Variants in LZTS1 observed in about 807,000 individuals in gnomAD.
The protein encoded by LZTS1 is leucine zipper putative tumor suppressor 1.
LZTS1 carries 31 observed loss-of-function variants against 45.8 expected under a neutral mutation model. The observed-to-expected ratio is 0.68, with a 90% CI of 0.51 to 0.91. The LOEUF (loss-of-function observed/expected upper bound fraction) is 0.91, where lower values mean the gene tolerates loss of function less well. Among genes scored for constraint, LZTS1 ranks in the 40% least tolerant of loss-of-function variants. The probability of loss-of-function intolerance (pLI) is 0.00; values close to 1 mark genes in which losing one functional copy is unlikely to be tolerated. For missense variants in LZTS1, 821 were observed against 788.9 expected (o/e 1.04, Z -0.49); for synonymous variants, 359 against 357.3 (o/e 1.00, Z -0.05).
rs1381300730 is a variant in LZTS1 at position 20,247,747 on chromosome 8, G to A, written c.*1975C>T. 6.6e-6 allele frequency: 1 copy of A among 152,418 alleles called. No homozygotes were observed. Among genetic ancestry groups the A allele is most frequent in the African/African-American group, 2.4e-5 (1 of 41,450 alleles). The allele number at this position is 152,418 out of a possible 1,614,324, so 9.4% of individuals were successfully genotyped here. A position where few individuals can be genotyped will look rare whatever the true frequency, so the allele number is the denominator to read the frequency against. On this transcript the variant is annotated 3_prime_UTR_variant, in exon 4 of 4. Transcript: ENST00000381569. Reference sequence around the variant, plus strand: ...TCAGGGAAGGGCTAGGACCCATGAGGGCGGGGGGCAAGGAGAGAAGCATCT... The same window carrying A: ...TCAGGGAAGGGCTAGGACCCATGAGAGCGGGGGGCAAGGAGAGAAGCATCT...
At chr8:20,255,588 G>C (rs1457199873) in intron 1 of LZTS1, among the ~76,000 whole-genome samples, 2 of 152,218 alleles carry the variant, frequency 1.3e-5, no homozygotes, top group Non-Finnish European at 2.9e-5. Context: ...TAGGGTTACA[G>C]TGGTGTGGAG....
chr8:20,271,823 G>T (rs1800479704), intron 1 of LZTS1, among the ~76,000 whole-genome samples: 1 of 152,210 alleles, frequency 6.6e-6, no homozygotes, highest in South Asian at 2.1e-4. Flanking sequence ...CTGTGGTTTG[G>T]TGGGTGCACA....
At chr8:20,257,700 C>A (rs927741291) in intron 1 of LZTS1, among the ~76,000 whole-genome samples, 12 of 143,290 alleles carry the variant, frequency 8.4e-5, no homozygotes, top group African/African-American at 3.1e-4. Flanking sequence ...GATAGAGTCT[C>A]ACTCTGTTGC....
At position 20,253,008 on chromosome 8, in the gene LZTS1, C is replaced by T; in HGVS notation, c.923G>A (p.Gly308Asp). The T allele has an allele frequency of 1.3e-6, 2 of 1,592,566 alleles. No homozygotes were observed. Among genetic ancestry groups the T allele is most frequent in the Non-Finnish European group, 8.5e-7 (1 of 1,170,556 alleles). The change falls in exon 3 of 4, where the codon GGC (glycine) becomes GAC (aspartate). Residue 308 changes from glycine (G) to aspartate (D), a missense_variant. By Grantham distance (94) the Gly-to-Asp change is moderately conservative. Coordinates refer to ENST00000381569, the MANE Select transcript of LZTS1 (RefSeq NM_021020.5). ...CTTGTTGCCGCCTTTGGGCTCCGGGCCCTCCAGCTCGTCCCTGCAGCGCCG... is the reference window on the plus strand; with the variant it reads ...CTTGTTGCCGCCTTTGGGCTCCGGGTCCTCCAGCTCGTCCCTGCAGCGCCG... ...RPRRCRDELEGPEPKGGNKLK... is the reference protein window; with the variant it reads ...RPRRCRDELEDPEPKGGNKLK...
In LZTS1 at chr8:20,254,888, A is replaced by T. The variant is rs1800052836; in HGVS notation, c.294T>A (p.Phe98Leu). 1 of 1,614,016 alleles carries T rather than the reference A, an allele frequency of 6.2e-7. No individual in the cohort carries two copies. The highest frequency in any genetic ancestry group is 1.3e-5 in the African/African-American group (1 of 74,914). The stretch of plus-strand genomic sequence containing the variant: ...TGAGCTTGGGGGGTGTGGACGGGTC[A>T]AAGTCCACCCCAGCCTGGCCCCCTA... ...GDLGGQAGVDFDPSTPPKLMP... is the reference protein window; with the variant it reads ...GDLGGQAGVDLDPSTPPKLMP... The change falls in exon 2 of 4, where the codon TTT becomes TTA. Residue 98 changes from phenylalanine to leucine, a missense_variant. By Grantham distance (22) the Phe-to-Leu change is conservative. Coordinates refer to ENST00000381569, the MANE Select transcript of LZTS1 (RefSeq NM_021020.5).
At chr8:20,260,489 A>G (rs550350503) in intron 1 of LZTS1, among the ~76,000 whole-genome samples, 44 of 152,260 alleles carry the variant, frequency 2.9e-4, no homozygotes, top group Non-Finnish European at 5.1e-4. Flanking sequence ...AAATGCCACA[A>G]TCTCCATGCT....
intron 1 of LZTS1, among the ~76,000 whole-genome samples, chr8:20,288,671 C>T (rs12114422): frequency 0.25 from 38,296 of 152,120 alleles, 5,027 homozygotes; most frequent in East Asian, 0.39. Context: ...GCACAGGCAT[C>T]GAGCACATGG....
chr8:20,291,935 C>G (rs1021522042), intron 1 of LZTS1, among the ~76,000 whole-genome samples: 7 of 152,216 alleles, frequency 4.6e-5, no homozygotes, highest in African/African-American at 1.7e-4. Context: ...TACCTGCTCT[C>G]TCCACCTGCT....
rs1215353052 is a variant in LZTS1, at chr8:20,255,380, G to A, written c.-134-65C>T. ...GTGGTCACAGCACAGTGCTGATTCC[G>A]ACTTCCAGATCTGGGCAGTAGAGAA... On this transcript the variant is annotated intron_variant, in intron 1 of 3. Transcript: ENST00000381569. 29 of 1,185,744 alleles carry A rather than the reference G, an allele frequency of 2.4e-5. No individual in the cohort carries two copies. The East Asian group carries it at 5.8e-4, about 24-fold the overall frequency. 73.5% of individuals were successfully genotyped at this position (1,185,744 alleles called of 1,614,324 possible). A position where few individuals can be genotyped will look rare whatever the true frequency, so the allele number is the denominator to read the frequency against.
intron 1 of LZTS1, among the ~76,000 whole-genome samples, chr8:20,279,681 C>CA (rs34501896): frequency 0.19 from 13,509 of 70,824 alleles, 1,730 homozygotes; most frequent in East Asian, 0.42. Context: ...GACCCTGTCT[C>CA]AAAAAAAAAA....
chr8:20,288,420 G>A (rs60077789), intron 1 of LZTS1, among the ~76,000 whole-genome samples: 38,297 of 152,082 alleles, frequency 0.25, 5,038 homozygotes, highest in East Asian at 0.4. Flanking sequence ...AGTCCAGGGC[G>A]GGGAGGACAC....
Position 20,253,170 on chromosome 8 carries a change from G to A in LZTS1, c.761C>T (p.Ser254Phe). 2 of 1,613,452 alleles carry A rather than the reference G, an allele frequency of 1.2e-6. No individual in the cohort carries two copies. Among genetic ancestry groups the A allele is most frequent in the Non-Finnish European group, 1.7e-6 (2 of 1,180,042 alleles). ...KADKGPSCVR[S>F]PISTDECSIQ... ...GCTGCACTCGTCCGTGGAGATGGGG[G>A]AGCGGACACACGAGGGGCCCTTGTC... Residue 254 changes from serine to phenylalanine, a missense_variant, in exon 3 of 4, where the codon TCC (serine) becomes TTC (phenylalanine). Transcript: ENST00000381569.
intron 1 of LZTS1, among the ~76,000 whole-genome samples, chr8:20,277,615 C>A (rs1328989410): frequency 6.6e-6 from 1 of 152,154 alleles, no homozygotes; most frequent in Non-Finnish European, 1.5e-5. Flanking sequence ...GGTTTAAGAA[C>A]TGGGCCTTTA....
intron 1 of LZTS1, among the ~76,000 whole-genome samples, chr8:20,261,926 T>A (rs1466002593): frequency 6.6e-6 from 1 of 152,154 alleles, no homozygotes; most frequent in Non-Finnish European, 1.5e-5. Flanking sequence ...GCTTCTGTTA[T>A]TTCCCCTCCT....
intron 1 of LZTS1, among the ~76,000 whole-genome samples, chr8:20,290,848 G>A (rs1800888861): frequency 6.6e-6 from 1 of 152,228 alleles, no homozygotes; most frequent in South Asian, 2.1e-4. Context: ...AAGGAAAGGA[G>A]AATAACCCCA....
At chr8:20,292,836 T>C (rs560693763) in intron 1 of LZTS1, among the ~76,000 whole-genome samples, 1 of 152,328 alleles carries the variant, frequency 6.6e-6, no homozygotes, top group African/African-American at 2.4e-5. Flanking sequence ...ATCCTGGCTC[T>C]GCCATGTCCC....
intron 1 of LZTS1, among the ~76,000 whole-genome samples, chr8:20,265,662 G>C (rs559310559): frequency 9.4e-6 from 1 of 106,078 alleles, no homozygotes; most frequent in East Asian, 3.3e-4. Context: ...CTGGGCAACA[G>C]AGAGACTCTG....
intron 1 of LZTS1, among the ~76,000 whole-genome samples, chr8:20,302,871 A>C (rs1412895495): frequency 6.6e-6 from 1 of 152,104 alleles, no homozygotes; most frequent in Non-Finnish European, 1.5e-5. Flanking sequence ...CACAAGGCTC[A>C]TTTGCTCCAC....
At chr8:20,283,242 C>A (rs188098479) in intron 1 of LZTS1, among the ~76,000 whole-genome samples, 1 of 152,250 alleles carries the variant, frequency 6.6e-6, no homozygotes, top group Admixed American at 6.5e-5. Context: ...AACTTAGTGA[C>A]CAATGTGACG....
Sources: gnomAD v4.1 joint callset for allele counts (sites outside exome capture counted in the v4.1 genomes callset) on GRCh38, gnomAD v4.1.1 for gene constraint, MANE v1.5 for transcripts, NCBI Gene and HGNC (gene_info 2026-07-23, HGNC 2026-07-21) for gene names.